BBX: variants seen among roughly 807,000 people sequenced by gnomAD.
BBX encodes the protein BBX high mobility group box domain containing.
In BBX, 30 loss-of-function variants were observed where a neutral mutation model predicts 100.2. The ratio of observed to expected loss-of-function variants is 0.30; its 90% CI spans 0.22 to 0.41. The LOEUF is 0.41. Ranked by LOEUF, BBX falls within the 10% of genes least tolerant of loss-of-function variation. BBX has a pLI of 1.00. For missense variants in BBX, 1,023 were observed against 1,129.8 expected, an observed-to-expected ratio of 0.91 and a Z score of 1.35; for synonymous variants, 376 against 388.1, an observed-to-expected ratio of 0.97 and a Z score of 0.37.
chr3:107,765,014 A>G (rs2066264656), intron 10 of BBX, among the ~76,000 whole-genome samples: 1 of 152,220 alleles, frequency 6.6e-6, no homozygotes, highest in Non-Finnish European at 1.5e-5. Flanking sequence ...TTGAAAGACA[A>G]CTGATTTGAG....
At chr3:107,664,027 G>T (rs940859854) in intron 3 of BBX, among the ~76,000 whole-genome samples, 5 of 152,026 alleles carry the variant, frequency 3.3e-5, no homozygotes, top group African/African-American at 1.2e-4. Flanking sequence ...GGATGGTCTC[G>T]ATCTCCTGAC....
intron 3 of BBX, among the ~76,000 whole-genome samples, chr3:107,702,405 A>T (rs755141811): frequency 1.3e-5 from 2 of 152,122 alleles, no homozygotes; most frequent in Non-Finnish European, 2.9e-5. Context: ...CATCCAAACA[A>T]CCTTTCCTGG....
intron 2 of BBX, among the ~76,000 whole-genome samples, chr3:107,623,003 G>C (rs2055894015): frequency 6.6e-6 from 1 of 152,194 alleles, no homozygotes; most frequent in Admixed American, 6.5e-5. Context: ...AGCACTCAGT[G>C]TCTGCCTATG....
At chr3:107,739,959 A>G (rs1057314362) in intron 7 of BBX, among the ~76,000 whole-genome samples, 1 of 152,118 alleles carries the variant, frequency 6.6e-6, no homozygotes. Flanking sequence ...CACACAGATT[A>G]TAATGTTAGG....
intron 2 of BBX, chr3:107,599,246 A>G (rs1337736444): frequency 2.0e-5 from 3 of 152,338 alleles, no homozygotes; most frequent in Non-Finnish European, 4.4e-5. Flanking sequence ...AGCAGCCAGT[A>G]CTGTCTGTGC....
intron 13 of BBX, among the ~76,000 whole-genome samples, chr3:107,779,154 G>C (rs1201116876): frequency 1.3e-5 from 2 of 151,304 alleles, no homozygotes; most frequent in African/African-American, 2.4e-5. Flanking sequence ...AGCATGACTT[G>C]GATGGATCTC....
At chr3:107,589,669 A>G (rs2053149434) in intron 2 of BBX, among the ~76,000 whole-genome samples, 1 of 152,178 alleles carries the variant, frequency 6.6e-6, no homozygotes, top group Non-Finnish European at 1.5e-5. Flanking sequence ...CAGTTTCAGA[A>G]GTGGAATCAG....
At chr3:107,756,605 AT>A (rs2065498459) in intron 10 of BBX, among the ~76,000 whole-genome samples, 2 of 152,180 alleles carry the variant, frequency 1.3e-5, no homozygotes, top group Admixed American at 1.3e-4. Context: ...AAAATATATA[AT>A]ATCTTTAAAT....
At chr3:107,762,551 C>T (rs1206093618) in intron 10 of BBX, among the ~76,000 whole-genome samples, 2 of 152,214 alleles carry the variant, frequency 1.3e-5, no homozygotes, top group African/African-American at 4.8e-5. Context: ...CTGAAAAACA[C>T]TGCTAAAATG....
intron 3 of BBX, among the ~76,000 whole-genome samples, chr3:107,694,028 T>A (rs1248485059): frequency 1.4e-5 from 2 of 146,706 alleles, no homozygotes; most frequent in Non-Finnish European, 3.0e-5. Context: ...TGCTTGTGAT[T>A]TTTGTACATT....
At chr3:107,584,266 T>C (rs2052645671) in intron 2 of BBX, among the ~76,000 whole-genome samples, 2 of 128,282 alleles carry the variant, frequency 1.6e-5, no homozygotes, top group Admixed American at 2.1e-4. Flanking sequence ...TTATATATAA[T>C]ATCTCTAATT....
intron 16 of BBX, among the ~76,000 whole-genome samples, chr3:107,800,121 A>C (rs1576880365): frequency 6.6e-6 from 1 of 152,220 alleles, no homozygotes. Flanking sequence ...TTGCCCTGTC[A>C]TATAAGAGAA....
intron 2 of BBX, among the ~76,000 whole-genome samples, chr3:107,618,514 G>A (rs932004394): frequency 3.3e-5 from 5 of 151,952 alleles, no homozygotes; most frequent in African/African-American, 1.2e-4. Context: ...ATGATGTCCT[G>A]TTTCAAAAAA....
intron 7 of BBX, among the ~76,000 whole-genome samples, chr3:107,742,333 C>T (rs1388933431): frequency 6.6e-6 from 1 of 150,646 alleles, no homozygotes; most frequent in East Asian, 1.9e-4. Flanking sequence ...TTTTGTCGGC[C>T]CTCTTGGCCC....
At chr3:107,691,572 A>G (rs180940843) in intron 3 of BBX, among the ~76,000 whole-genome samples, 17 of 152,384 alleles carry the variant, frequency 1.1e-4, no homozygotes, top group Admixed American at 7.2e-4. Flanking sequence ...TGACGCAAGT[A>G]TAAAACAAAC....
At chr3:107,527,213 G>A (rs920932231) in intron 2 of BBX, among the ~76,000 whole-genome samples, 2 of 151,716 alleles carry the variant, frequency 1.3e-5, no homozygotes, top group Non-Finnish European at 2.9e-5. Flanking sequence ...CACCTTGTAA[G>A]TTTGCCCCTC....
At chr3:107,560,136 A>G (rs771301451) in intron 2 of BBX, among the ~76,000 whole-genome samples, 15 of 152,068 alleles carry the variant, frequency 9.9e-5, no homozygotes, top group Non-Finnish European at 1.6e-4. Context: ...TAGATTTTGC[A>G]TATTAAATTG....
chr3:107,558,810 T>G (rs1470529052), intron 2 of BBX, among the ~76,000 whole-genome samples: 2 of 152,132 alleles, frequency 1.3e-5, no homozygotes, highest in African/African-American at 4.8e-5. Context: ...TTCTAACCAT[T>G]AGCTATACCA....
chr3:107,767,655 A>G (rs1457266570), intron 10 of BBX, among the ~76,000 whole-genome samples: 1 of 152,234 alleles, frequency 6.6e-6, no homozygotes. Flanking sequence ...AATTATTTTA[A>G]TTGGAAAATC....
Sources: gnomAD v4.1 joint callset for allele counts (sites outside exome capture counted in the v4.1 genomes callset) on GRCh38, gnomAD v4.1.1 for gene constraint, MANE v1.5 for transcripts, NCBI Gene and HGNC (gene_info 2026-07-23, HGNC 2026-07-21) for gene names.